The following MACROD2 variants were observed in gnomAD, a reference collection of about 807,000 sequenced individuals.
MACROD2 encodes ADP-ribose glycohydrolase MACROD2.
A neutral mutation model predicts 70.4 loss-of-function variants in MACROD2; 36 were observed. The observed-to-expected ratio is 0.51, with a 90% CI of 0.39 to 0.68. The LOEUF is 0.68. MACROD2 is among the 30% of genes least tolerant of loss of function. The pLI is 0.00. For synonymous variants in MACROD2, 172 were observed against 178.8 expected (o/e 0.96, Z 0.30); for missense variants, 496 against 538.4 (o/e 0.92, Z 0.78).
intron 8 of MACROD2, among the ~76,000 whole-genome samples, chr20:15,627,020 G>A (rs1287863579): frequency 6.6e-6 from 1 of 152,114 alleles, no homozygotes; most frequent in Non-Finnish European, 1.5e-5. Flanking sequence ...AGGAAACACA[G>A]AATTAGCAAA....
intron 5 of MACROD2, among the ~76,000 whole-genome samples, chr20:15,044,003 A>C (rs2075374387): frequency 1.3e-5 from 2 of 152,056 alleles, no homozygotes; most frequent in Admixed American, 1.3e-4. Flanking sequence ...AACTCTCTGC[A>C]CTCCATTGTG....
intron 8 of MACROD2, among the ~76,000 whole-genome samples, chr20:15,715,307 G>A (rs1353831706): frequency 2.6e-5 from 4 of 152,056 alleles, no homozygotes; most frequent in East Asian, 1.9e-4. Flanking sequence ...GTCAGCAAAC[G>A]TGTATTTCCA....
intron 8 of MACROD2, among the ~76,000 whole-genome samples, chr20:15,519,089 T>A (rs1485026972): frequency 6.1e-5 from 9 of 146,848 alleles, no homozygotes; most frequent in African/African-American, 2.3e-4. Context: ...CTTCCTTCCT[T>A]CCTTCCTTCC....
chr20:15,351,321 G>T (rs1384553586), intron 6 of MACROD2, among the ~76,000 whole-genome samples: 1 of 152,136 alleles, frequency 6.6e-6, no homozygotes, highest in Non-Finnish European at 1.5e-5. Context: ...TTTGGCATTT[G>T]CAAGCTATAT....
intron 8 of MACROD2, among the ~76,000 whole-genome samples, chr20:15,693,863 C>T (rs2050329375): frequency 1.5e-5 from 2 of 135,648 alleles, no homozygotes; most frequent in Admixed American, 7.5e-5. Context: ...ATCCCTTGCC[C>T]CCCTCTCTCT....
At chr20:14,594,602 A>G (rs564028069) in intron 4 of MACROD2, among the ~76,000 whole-genome samples, 2 of 152,332 alleles carry the variant, frequency 1.3e-5, no homozygotes, top group South Asian at 4.1e-4. Context: ...AAGTTAGAAA[A>G]TACAAAGAAG....
chr20:14,966,059 T>C (rs1406511703), intron 5 of MACROD2, among the ~76,000 whole-genome samples: 1 of 152,184 alleles, frequency 6.6e-6, no homozygotes, highest in Non-Finnish European at 1.5e-5. Context: ...CTAACGAGTA[T>C]TTATTACTCC....
At chr20:15,749,977 G>A (rs1209498230) in intron 8 of MACROD2, among the ~76,000 whole-genome samples, 1 of 151,982 alleles carries the variant, frequency 6.6e-6, no homozygotes, top group South Asian at 2.1e-4. Flanking sequence ...CAAAAGCACA[G>A]GCAACAGAAA....
intron 3 of MACROD2, among the ~76,000 whole-genome samples, chr20:14,179,346 A>G (rs141727509): frequency 2.5e-4 from 38 of 152,354 alleles, no homozygotes; most frequent in African/African-American, 8.9e-4. Context: ...TTGCAACTAC[A>G]TAGTGTAACA....
chr20:14,396,751 C>T (rs1225629928), intron 3 of MACROD2, among the ~76,000 whole-genome samples: 3 of 151,506 alleles, frequency 2.0e-5, no homozygotes, highest in African/African-American at 7.3e-5. Flanking sequence ...CGGTGAAACC[C>T]CGTCACTACT....
Position 15,619,678 on chromosome 20 carries a change from A to G in MACROD2, c.645+119831A>G. On this transcript the variant is annotated intron_variant, in intron 8 of 17. Coordinates refer to ENST00000684519, the MANE Select transcript of MACROD2 (RefSeq NM_001351661.2). ...CTTTTTCCCTTTTCGGAGTCCCTTC[A>G]TAAGGAAGCTGGGCCCCCAGGCCTT... is the stretch of plus-strand genomic sequence containing the variant. The G allele has an allele frequency of 1.4e-5, 4 of 278,870 alleles. No homozygotes were observed. In the South Asian group the frequency reaches 2.2e-4, roughly 16 times the overall value. The allele number at this position is 278,870 out of a possible 1,614,324, so 17.3% of individuals were successfully genotyped here.
intron 5 of MACROD2, among the ~76,000 whole-genome samples, chr20:14,793,603 A>G (rs2072476064): frequency 6.6e-6 from 1 of 152,050 alleles, no homozygotes. Context: ...CTACAAAGCC[A>G]AAAAGAGACC....
intron 3 of MACROD2, among the ~76,000 whole-genome samples, chr20:14,086,980 A>G (rs1258239488): frequency 2.0e-5 from 3 of 152,236 alleles, no homozygotes; most frequent in African/African-American, 7.2e-5. Flanking sequence ...AGGAAAGTGC[A>G]TTGGCAGGTG....
chr20:13,996,675 C>T (rs1159342654), intron 1 of MACROD2, among the ~76,000 whole-genome samples: 2 of 152,104 alleles, frequency 1.3e-5, no homozygotes, highest in African/African-American at 2.4e-5. Flanking sequence ...CCCGCTTATC[C>T]CATCACAGTT....
chr20:14,801,539 G>A (rs559993041), intron 5 of MACROD2, among the ~76,000 whole-genome samples: 2 of 152,004 alleles, frequency 1.3e-5, no homozygotes, highest in Non-Finnish European at 2.9e-5. Context: ...TTTTTATACA[G>A]TAATAGCTAC....
At chr20:14,929,970 G>A (rs1257880616) in intron 5 of MACROD2, among the ~76,000 whole-genome samples, 1 of 151,892 alleles carries the variant, frequency 6.6e-6, no homozygotes, top group Non-Finnish European at 1.5e-5. Flanking sequence ...GACCATCCTG[G>A]CTAACACGGT....
intron 3 of MACROD2, among the ~76,000 whole-genome samples, chr20:14,288,777 C>G (rs1270337623): frequency 1.3e-5 from 2 of 152,216 alleles, no homozygotes; most frequent in Non-Finnish European, 2.9e-5. Flanking sequence ...TGTTCTCTGA[C>G]TCAGTGGTGA....
chr20:14,237,531 T>G (rs2081887986), intron 3 of MACROD2, among the ~76,000 whole-genome samples: 2 of 150,266 alleles, frequency 1.3e-5, no homozygotes, highest in African/African-American at 4.9e-5. Flanking sequence ...TATTAATTCT[T>G]TATTTATTTA....
rs757258942 is a variant in MACROD2 at position 15,691,469 on chromosome 20, A to T, written c.646-171276A>T. 6.4e-4 allele frequency among the ~76,000 whole-genome samples: 98 copies of T among 152,198 alleles called. 1 individual carries two copies. The highest frequency in any genetic ancestry group is 2.1e-4 in the Non-Finnish European group (14 of 68,050). On this transcript the variant is annotated intron_variant, in intron 8 of 17. Transcript: ENST00000684519. ...GAAAATAAAGCGCTGCCCTTCTGGG[A>T]CCTGTATCCTTTGGAGGAAGCCATC...
Sources: gnomAD v4.1 joint callset for allele counts (sites outside exome capture counted in the v4.1 genomes callset) on GRCh38, gnomAD v4.1.1 for gene constraint, MANE v1.5 for transcripts, NCBI Gene and HGNC (gene_info 2026-07-23, HGNC 2026-07-21) for gene names.